CCDC192: variants seen among roughly 807,000 people sequenced by gnomAD.
CCDC192 encodes coiled-coil domain-containing protein 192.
intron 6 of CCDC192, among the ~76,000 whole-genome samples, chr5:127,917,052 T>C (rs1469048569): frequency 2.6e-5 from 4 of 152,242 alleles, no homozygotes; most frequent in African/African-American, 7.2e-5. Flanking sequence ...ATCTTCTGGA[T>C]AACTTGCTGC....
At chr5:127,727,997 A>G (rs1263188026) in intron 2 of CCDC192, among the ~76,000 whole-genome samples, 2 of 152,222 alleles carry the variant, frequency 1.3e-5, no homozygotes, top group Non-Finnish European at 2.9e-5. Flanking sequence ...TTAGAGAAAA[A>G]TGAATGAAAA....
chr5:127,899,737 A>G (rs1752988997), intron 6 of CCDC192, among the ~76,000 whole-genome samples: 1 of 152,272 alleles, frequency 6.6e-6, no homozygotes, highest in South Asian at 2.1e-4. Context: ...TCACAATTTT[A>G]TTGTGTTTTC....
intron 5 of CCDC192, among the ~76,000 whole-genome samples, chr5:127,831,462 A>G (rs1433273382): frequency 6.6e-6 from 1 of 152,048 alleles, no homozygotes; most frequent in Non-Finnish European, 1.5e-5. Flanking sequence ...GGGCATTTTT[A>G]TAGTCTGAGC....
intron 2 of CCDC192, among the ~76,000 whole-genome samples, chr5:127,739,188 C>T (rs559004706): frequency 5.3e-5 from 8 of 151,978 alleles, no homozygotes; most frequent in Non-Finnish European, 1.0e-4. Context: ...AATACCCTGC[C>T]GTGTGAGGTG....
intron 2 of CCDC192, among the ~76,000 whole-genome samples, chr5:127,751,037 C>T (rs1488938969): frequency 6.8e-6 from 1 of 146,944 alleles, no homozygotes; most frequent in African/African-American, 2.5e-5. Flanking sequence ...TTCCTGAATA[C>T]AGCACACTGA....
At chr5:127,805,094 C>A (rs1757711463) in intron 5 of CCDC192, among the ~76,000 whole-genome samples, 1 of 152,122 alleles carries the variant, frequency 6.6e-6, no homozygotes, top group Admixed American at 6.5e-5. Context: ...CTCTCCCAGT[C>A]CCACACTTCT....
At chr5:127,780,809 CA>C (rs1460044320) in intron 3 of CCDC192, among the ~76,000 whole-genome samples, 1 of 152,178 alleles carries the variant, frequency 6.6e-6, no homozygotes, top group African/African-American at 2.4e-5. Context: ...TTTTGCCATG[CA>C]AAAGCTCTTT....
chr5:127,873,756 G>T (rs1344155797), intron 5 of CCDC192, among the ~76,000 whole-genome samples: 1 of 152,162 alleles, frequency 6.6e-6, no homozygotes, highest in Non-Finnish European at 1.5e-5. Context: ...AGTGGAAAAG[G>T]TCAATGGTTA....
chr5:127,746,767 G>C (rs147783878), intron 2 of CCDC192, among the ~76,000 whole-genome samples: 2 of 152,200 alleles, frequency 1.3e-5, no homozygotes, highest in Admixed American at 6.5e-5. Context: ...TGCACCTGTA[G>C]TGGCAGAACT....
chr5:127,833,285 T>C (rs1163433319), intron 5 of CCDC192, among the ~76,000 whole-genome samples: 1 of 152,210 alleles, frequency 6.6e-6, no homozygotes, highest in East Asian at 1.9e-4. Flanking sequence ...TAAAATTGCA[T>C]CTTGTCAGAA....
chr5:127,707,733 A>T lies in CCDC192; in HGVS notation c.87A>T (p.Ser29=). The T allele has an allele frequency of 2.5e-6, 1 of 398,748 alleles. No individual in the cohort carries two copies. Among genetic ancestry groups the T allele is most frequent in the Non-Finnish European group, 4.4e-6 (1 of 225,908 alleles). The allele number at this position is 398,748 out of a possible 1,614,324, so 24.7% of individuals were successfully genotyped here. The part of the protein sequence containing the change: ...RSSMTSGSSE[S]DIPQENKVSK... ...GCATGACGTCTGGAAGTTCAGAGTC[A>T]GATATACCACAAGAAAACAAAGTAT... Residue 29 remains serine (S), a synonymous_variant, in exon 2 of 7, where the codon TCA becomes TCT. Coordinates refer to ENST00000514853, the MANE Select transcript of CCDC192 (RefSeq NM_001317938.2).
At chr5:127,893,170 C>T (rs760475311) in intron 6 of CCDC192, among the ~76,000 whole-genome samples, 2 of 152,174 alleles carry the variant, frequency 1.3e-5, no homozygotes, top group Admixed American at 6.5e-5. Flanking sequence ...GTCCAGACAA[C>T]CCTCTCTCCA....
intron 6 of CCDC192, among the ~76,000 whole-genome samples, chr5:127,917,569 GT>G (rs1459033565): frequency 1.3e-5 from 2 of 152,092 alleles, no homozygotes; most frequent in East Asian, 3.8e-4. Context: ...TTTTAATATT[GT>G]TGTGTCTTAG....
intron 2 of CCDC192, among the ~76,000 whole-genome samples, chr5:127,751,806 A>G (rs950559249): frequency 1.1e-4 from 16 of 151,918 alleles, no homozygotes; most frequent in Admixed American, 5.9e-4. Flanking sequence ...TGGAGGCTTT[A>G]CTCATTTCTT....
chr5:127,738,093 G>A (rs983749350), intron 2 of CCDC192, among the ~76,000 whole-genome samples: 2 of 151,858 alleles, frequency 1.3e-5, no homozygotes, highest in African/African-American at 4.8e-5. Flanking sequence ...CATGTTTAGT[G>A]CTTCTTTCAG....
chr5:127,706,693 G>T (rs911437146), intron 1 of CCDC192, among the ~76,000 whole-genome samples: 10 of 152,090 alleles, frequency 6.6e-5, no homozygotes, highest in Non-Finnish European at 1.3e-4. Flanking sequence ...AAAAACAACA[G>T]AAAAAATTTC....
chr5:127,893,385 C>T, intron 6 of CCDC192, among the ~76,000 whole-genome samples: 1 of 152,196 alleles, frequency 6.6e-6, no homozygotes, highest in South Asian at 2.1e-4. Flanking sequence ...TATAAAGCAT[C>T]TGACACACAG....
intron 5 of CCDC192, among the ~76,000 whole-genome samples, chr5:127,867,836 G>A (rs1751677044): frequency 6.6e-6 from 1 of 152,042 alleles, no homozygotes. Flanking sequence ...CAAAAATCTT[G>A]ATTATCAACT....
chr5:127,852,796 C>T (rs1445869469), intron 5 of CCDC192, among the ~76,000 whole-genome samples: 2 of 152,120 alleles, frequency 1.3e-5, no homozygotes, highest in Non-Finnish European at 2.9e-5. Context: ...TCATTGTTTT[C>T]AAATGCTGCT....
Sources: gnomAD v4.1 joint callset for allele counts (sites outside exome capture counted in the v4.1 genomes callset) on GRCh38, gnomAD v4.1.1 for gene constraint, MANE v1.5 for transcripts, NCBI Gene and HGNC (gene_info 2026-07-23, HGNC 2026-07-21) for gene names.